Variants in NRCAM observed in about 807,000 individuals in gnomAD.
The protein encoded by NRCAM is NgCAM-related cell adhesion molecule.
A neutral mutation model predicts 156.5 loss-of-function variants in NRCAM; 83 were observed. The ratio of observed to expected loss-of-function variants is 0.53; its 90% CI spans 0.44 to 0.64. The LOEUF is 0.64. Ranked by LOEUF, NRCAM falls within the 30% of genes least tolerant of loss-of-function variation. The probability of loss-of-function intolerance (pLI) is 0.00; values close to 1 mark genes in which losing one functional copy is unlikely to be tolerated. For missense variants in NRCAM, 1,417 were observed against 1,597.3 expected (o/e 0.89, Z 1.92); for synonymous variants, 538 against 563.9 (o/e 0.95, Z 0.65).
At chr7:108,348,187 T>C (rs747239514) in intron 2 of NRCAM, among the ~76,000 whole-genome samples, 3 of 152,122 alleles carry the variant, frequency 2.0e-5, no homozygotes, top group Non-Finnish European at 4.4e-5. Context: ...GAGAAAAAGA[T>C]AGATTTAAGA....
intron 2 of NRCAM, among the ~76,000 whole-genome samples, chr7:108,336,564 G>A (rs1382190010): frequency 2.6e-5 from 4 of 152,044 alleles, no homozygotes; most frequent in East Asian, 1.9e-4. Flanking sequence ...TTGTGCCAGC[G>A]AAGAATATAG....
At chr7:108,453,889 T>A (rs1387910995) in intron 1 of NRCAM, among the ~76,000 whole-genome samples, 1 of 152,212 alleles carries the variant, frequency 6.6e-6, no homozygotes, top group Non-Finnish European at 1.5e-5. Flanking sequence ...ATAGAATGAT[T>A]TCCTAAGATT....
At chr7:108,246,892 G>A (rs2095975557) in intron 3 of NRCAM, among the ~76,000 whole-genome samples, 2 of 152,186 alleles carry the variant, frequency 1.3e-5, no homozygotes, top group South Asian at 4.1e-4. Flanking sequence ...AATGGCTGTG[G>A]GCTTGGCCAT....
chr7:108,447,587 T>C (rs2154492324), intron 1 of NRCAM, among the ~76,000 whole-genome samples: 1 of 152,184 alleles, frequency 6.6e-6, no homozygotes, highest in African/African-American at 2.4e-5. Context: ...CATTTTCATA[T>C]GCTAACTTTC....
chr7:108,454,075 T>C (rs1598680882), intron 1 of NRCAM, among the ~76,000 whole-genome samples: 1 of 152,236 alleles, frequency 6.6e-6, no homozygotes, highest in African/African-American at 2.4e-5. Context: ...CCCTGGTTAC[T>C]AAGAACATGT....
At chr7:108,297,969 G>A (rs2154139320) in intron 3 of NRCAM, among the ~76,000 whole-genome samples, 2 of 152,294 alleles carry the variant, frequency 1.3e-5, no homozygotes, top group South Asian at 2.1e-4. Flanking sequence ...AGACCCTGTG[G>A]TGGGAGCATC....
chr7:108,220,718 A>T (rs1214458437), intron 11 of NRCAM, among the ~76,000 whole-genome samples: 2 of 152,216 alleles, frequency 1.3e-5, no homozygotes, highest in Non-Finnish European at 2.9e-5. Context: ...TAAGAACTTA[A>T]ATCTAAGACC....
intron 22 of NRCAM, among the ~76,000 whole-genome samples, chr7:108,183,663 A>G (rs1489695763): frequency 6.6e-6 from 1 of 151,904 alleles, no homozygotes; most frequent in African/African-American, 2.4e-5. Context: ...CAGCCTCCTG[A>G]GTAGCTGGGA....
At chr7:108,210,038 C>T (rs1254816892) in intron 11 of NRCAM, among the ~76,000 whole-genome samples, 1 of 152,156 alleles carries the variant, frequency 6.6e-6, no homozygotes, top group Non-Finnish European at 1.5e-5. Context: ...ATAAACATAT[C>T]TATGACCATA....
intron 13 of NRCAM, among the ~76,000 whole-genome samples, chr7:108,202,734 G>C (rs1396259834): frequency 6.6e-6 from 1 of 152,128 alleles, no homozygotes; most frequent in Admixed American, 6.5e-5. Context: ...TTACATTCCT[G>C]GCTTTCAACA....
At chr7:108,208,959 C>T (rs1348193979) in intron 12 of NRCAM, among the ~76,000 whole-genome samples, 1 of 152,174 alleles carries the variant, frequency 6.6e-6, no homozygotes, top group Non-Finnish European at 1.5e-5. Context: ...CCAGCATACA[C>T]TCAAGAAGAG....
intron 2 of NRCAM, among the ~76,000 whole-genome samples, chr7:108,346,246 T>C (rs1367085183): frequency 6.6e-6 from 1 of 152,158 alleles, no homozygotes; most frequent in African/African-American, 2.4e-5. Context: ...TGACGAAACT[T>C]TGGGCTAGAC....
At chr7:108,272,352 G>A (rs1039693644) in intron 3 of NRCAM, among the ~76,000 whole-genome samples, 2 of 152,154 alleles carry the variant, frequency 1.3e-5, no homozygotes, top group African/African-American at 4.8e-5. Flanking sequence ...AGCAACTATT[G>A]GGGCAGTAAC....
chr7:108,392,702 A>C (rs2099764297), intron 2 of NRCAM, among the ~76,000 whole-genome samples: 1 of 152,072 alleles, frequency 6.6e-6, no homozygotes, highest in African/African-American at 2.4e-5. Context: ...TTGTGGTTTT[A>C]TCTACCTTTG....
At chr7:108,391,802 A>G (rs866403372) in intron 2 of NRCAM, among the ~76,000 whole-genome samples, 3 of 152,174 alleles carry the variant, frequency 2.0e-5, no homozygotes, top group African/African-American at 7.2e-5. Flanking sequence ...TTTGCTTGTC[A>G]GTAAAGGATT....
chr7:108,198,860 G>C (rs2076489455), intron 13 of NRCAM, among the ~76,000 whole-genome samples: 1 of 152,128 alleles, frequency 6.6e-6, no homozygotes, highest in African/African-American at 2.4e-5. Context: ...AAAACGTTAG[G>C]AACAGGCTTG....
intron 1 of NRCAM, among the ~76,000 whole-genome samples, chr7:108,407,848 TTG>T: frequency 6.6e-6 from 1 of 152,358 alleles, no homozygotes; most frequent in South Asian, 2.1e-4. Context: ...GTGCAGTTTG[TTG>T]TGTTTAATTA....
At chr7:108,329,619 GTGAATATAT>G (rs1180571345) in intron 2 of NRCAM, among the ~76,000 whole-genome samples, 3 of 152,184 alleles carry the variant, frequency 2.0e-5, no homozygotes, top group Admixed American at 1.3e-4. Context: ...TGAACAATGG[GTGAATATAT>G]TTCTTTGAAG....
intron 2 of NRCAM, among the ~76,000 whole-genome samples, chr7:108,325,414 C>T (rs192234600): frequency 4.6e-5 from 7 of 152,158 alleles, no homozygotes; most frequent in Non-Finnish European, 8.8e-5. Flanking sequence ...AGGAAAAAAC[C>T]TACCTTTTGA....
Sources: allele counts gnomAD v4.1 joint callset (sites outside exome capture counted in the v4.1 genomes callset), GRCh38; gene constraint gnomAD v4.1.1; transcripts MANE v1.5; gene names NCBI Gene and HGNC (gene_info 2026-07-23, HGNC 2026-07-21).